The following ANGPTL6 variants were observed in gnomAD, a reference collection of about 807,000 sequenced individuals.
ANGPTL6 encodes angiopoietin-related protein 6.
A neutral mutation model predicts 47.4 loss-of-function variants in ANGPTL6; 45 were observed. The ratio of observed to expected loss-of-function variants is 0.95; its 90% CI spans 0.75 to 1.22. ANGPTL6 has a LOEUF of 1.22. ANGPTL6 is among the 50% of genes most tolerant of loss of function. ANGPTL6 has a pLI of 0.00. For synonymous variants in ANGPTL6, 290 were observed against 295.9 expected (o/e 0.98, Z 0.20); for missense variants, 698 against 669.4 (o/e 1.04, Z -0.47).
Position 10,094,860 on chromosome 19 carries a change from C to T in ANGPTL6, c.661G>A (p.Asp221Asn). 2 of 1,614,194 alleles carry T rather than the reference C, an allele frequency of 1.2e-6. No homozygotes were observed. The highest frequency in any genetic ancestry group is 1.7e-6 in the Non-Finnish European group (2 of 1,180,022). Residue 221 changes from aspartate to asparagine, a missense_variant, in exon 3 of 6, where the codon GAC becomes AAC. Transcript: ENST00000253109. The part of the protein sequence containing the change: ...GSTSDTSRML[D>N]PAPEPQRDQT... ...TCTCTCTGGGGCTCTGGGGCTGGGTCCAGCATCCTACTGGTGTCACTGGTG... is the reference window on the plus strand; with the variant it reads ...TCTCTCTGGGGCTCTGGGGCTGGGTTCAGCATCCTACTGGTGTCACTGGTG...
In ANGPTL6 at chr19:10,094,859, T is replaced by C; in HGVS notation, c.662A>G (p.Asp221Gly). Reference sequence around the variant, plus strand: ...GTCTCTCTGGGGCTCTGGGGCTGGGTCCAGCATCCTACTGGTGTCACTGGT... The same window carrying C: ...GTCTCTCTGGGGCTCTGGGGCTGGGCCCAGCATCCTACTGGTGTCACTGGT... ...GSTSDTSRML[D>G]PAPEPQRDQT... Residue 221 changes from aspartate (D) to glycine (G), a missense_variant, in exon 3 of 6, where the codon GAC becomes GGC. Physicochemically the swap from Asp to Gly is moderately conservative, Grantham distance 94. Coordinates refer to ENST00000253109, the MANE Select transcript of ANGPTL6 (RefSeq NM_031917.3). 1 of 1,614,096 alleles carries C rather than the reference T, an allele frequency of 6.2e-7. No individual in the cohort carries two copies. The highest frequency in any genetic ancestry group is 8.5e-7 in the Non-Finnish European group (1 of 1,180,008).
Position 10,092,537 on chromosome 19 carries a change from G to A in ANGPTL6, c.*52C>T. ...AAGAAGGTGTGGCCAGAACAACTTG[G>A]GCTCCTGCTGACCAATGTCCTCTAG... On this transcript the variant is annotated 3_prime_UTR_variant, in exon 6 of 6. Transcript: ENST00000253109. 3.9e-6 allele frequency: 6 copies of A among 1,550,398 alleles called. No individual in the cohort carries two copies. Among genetic ancestry groups the A allele is most frequent in the Non-Finnish European group, 5.2e-6 (6 of 1,144,666 alleles).
At chr19:10,105,089 C>T (rs1310977141), upstream of ANGPTL6, among the ~76,000 whole-genome samples, 3 of 152,198 alleles carry the variant, frequency 2.0e-5, no homozygotes, top group Non-Finnish European at 4.4e-5. Context: ...AGCCACACGC[C>T]GGGAGAGTCA....
chr19:10,105,351 TG>T (rs1568478906), upstream of ANGPTL6, among the ~76,000 whole-genome samples: 1 of 151,258 alleles, frequency 6.6e-6, no homozygotes, highest in African/African-American at 2.4e-5. Flanking sequence ...GTCAGACAGA[TG>T]GAGATGGGAG....
chr19:10,092,859 A>G, intron 5 of ANGPTL6, 80 bp from the exon 6 acceptor site: 1 of 1,235,398 alleles, frequency 8.1e-7, no homozygotes, highest in Admixed American at 2.9e-5. Flanking sequence ...GGCTTTTGCC[A>G]GGCATCCCCT....
In ANGPTL6 at chr19:10,092,628, G is replaced by A; in HGVS notation, c.1374C>T (p.Leu458=). 6.2e-7 allele frequency: 1 copy of A among 1,612,748 alleles called. No individual in the cohort carries two copies. Among genetic ancestry groups the A allele is most frequent in the Non-Finnish European group, 8.5e-7 (1 of 1,178,940 alleles). ...GCCGAATGAGCATGGCGGCCTTCCT[G>A]AGAGAATATGCCCCACCACGAAACT... is the stretch of plus-strand genomic sequence containing the variant. The part of the protein sequence containing the change: ...WAEFRGGAYS[L]RKAAMLIRPL... The change falls in exon 6 of 6, where the codon CTC becomes CTT. Residue 458 remains leucine (L), a synonymous_variant. Coordinates refer to ENST00000253109, the MANE Select transcript of ANGPTL6 (RefSeq NM_031917.3).
rs1246367339 is a variant in ANGPTL6 at position 10,094,846 on chromosome 19, C to T, written c.675G>A (p.Glu225=). The change falls in exon 3 of 6, where the codon GAG becomes GAA. Residue 225 remains glutamate, a synonymous_variant. Transcript: ENST00000253109. The part of the protein sequence containing the change: ...DTSRMLDPAP[E]PQRDQTQRQQ... ...GTCTCTGGGTCTGGTCTCTCTGGGG[C>T]TCTGGGGCTGGGTCCAGCATCCTAC... 21 of 1,614,064 alleles carry T rather than the reference C, an allele frequency of 1.3e-5. No homozygotes were observed. Among genetic ancestry groups the T allele is most frequent in the Non-Finnish European group, 1.7e-5 (20 of 1,180,032 alleles).
intron 5 of ANGPTL6, 93 bp from the exon 6 acceptor site, chr19:10,092,872 C>G: frequency 9.2e-7 from 1 of 1,082,178 alleles, no homozygotes; most frequent in Non-Finnish European, 1.3e-6. Context: ...CATCCCCTGG[C>G]CCCTCCCATT....
intron 1 of ANGPTL6, among the ~76,000 whole-genome samples, chr19:10,102,115 CAAAAAA>C (rs111902676): frequency 2.3e-5 from 1 of 43,768 alleles, no homozygotes; most frequent in Non-Finnish European, 4.5e-5. Context: ...GACTCTGTCT[CAAAAAA>C]AAAAAAAAAA....
chr19:10,092,812 C>A, intron 5 of ANGPTL6, 33 bp from the exon 6 acceptor site: 1 of 1,540,090 alleles, frequency 6.5e-7, no homozygotes, highest in South Asian at 1.2e-5. Context: ...TGTCCTCTCA[C>A]CAGAATAAAA....
At chr19:10,093,287 C>T in intron 5 of ANGPTL6, 62 bp downstream of exon 5, 1 of 1,559,476 alleles carries the variant, frequency 6.4e-7, no homozygotes, top group South Asian at 1.2e-5. Context: ...TCCTTTCATT[C>T]CCTCACCAGA....
intron 3 of ANGPTL6, 125 bp downstream of exon 3, chr19:10,094,633 T>G: frequency 1.6e-6 from 2 of 1,228,784 alleles, no homozygotes; most frequent in East Asian, 4.6e-5. Context: ...AGTTTGGTCT[T>G]ATTTTTAATC....
Position 10,101,227 on chromosome 19 carries a change from G to A in ANGPTL6, c.-11+1341C>T, listed in dbSNP as rs538380801. 5.6e-4 allele frequency among the ~76,000 whole-genome samples: 85 copies of A among 151,552 alleles called. 3 individuals carry two copies. The South Asian group carries it at 9.0e-3, about 16-fold the overall frequency. The stretch of plus-strand genomic sequence containing the variant: ...CTGTCTCAAAAAAAAATAAAATAGA[G>A]GAGTCAGGAAAGGCCTCACAGAAGA... On this transcript the variant is annotated intron_variant, in intron 1 of 5. Transcript: ENST00000253109.
In ANGPTL6 at chr19:10,099,828, CCT is replaced by C. The variant is rs531456080; in HGVS notation, c.-11+2738_-11+2739del. On this transcript the variant is annotated intron_variant, in intron 1 of 5. Coordinates refer to ENST00000253109, the MANE Select transcript of ANGPTL6 (RefSeq NM_031917.3). Reference sequence around the variant, plus strand: ...CAAGCTCTCTCTCTCTCTGTCTCTCCCTCTCTCTCTCTCTCTTTCTCTCTTTC... The same window carrying C: ...CAAGCTCTCTCTCTCTCTGTCTCTCCCTCTCTCTCTCTCTTTCTCTCTTTC... Among the ~76,000 whole-genome samples the C allele has an allele frequency of 6.3e-3, 867 of 137,748 alleles. 18 individuals are homozygous for C. Among genetic ancestry groups the C allele is most frequent in the South Asian group, 0.049 (210 of 4,314 alleles). The allele number at this position is 137,748 out of a possible 152,430, so 90.4% of individuals were successfully genotyped here.
At chr19:10,104,761 G>A (rs1357960556), upstream of ANGPTL6, among the ~76,000 whole-genome samples, 1 of 152,138 alleles carries the variant, frequency 6.6e-6, no homozygotes, top group Admixed American at 6.5e-5. Flanking sequence ...CAACTTAAAG[G>A]GAAATGGGGT....
intron 2 of ANGPTL6, among the ~76,000 whole-genome samples, chr19:10,095,495 C>A (rs1036353762): frequency 3.3e-5 from 5 of 152,138 alleles, no homozygotes; most frequent in African/African-American, 1.2e-4. Flanking sequence ...TTGATCTGTG[C>A]CCCAGCCTCC....
chr19:10,093,270 C>T (rs2088440125), intron 5 of ANGPTL6, 79 bp downstream of exon 5: 9 of 1,536,432 alleles, frequency 5.9e-6, no homozygotes, highest in Non-Finnish European at 7.9e-6. Context: ...GTCTTACCTA[C>T]CCTACCTCCT....
upstream of ANGPTL6, among the ~76,000 whole-genome samples, chr19:10,105,445 G>C (rs546373050): frequency 6.6e-6 from 1 of 152,288 alleles, no homozygotes; most frequent in East Asian, 1.9e-4. Flanking sequence ...AGAGAGATGG[G>C]AAGATGGGGA....
Position 10,094,838 on chromosome 19 carries a change from C to A in ANGPTL6, c.683G>T (p.Arg228Ile). Reference sequence around the variant, plus strand: ...CTCCTGCTGTCTCTGGGTCTGGTCTCTCTGGGGCTCTGGGGCTGGGTCCAG... The same window carrying A: ...CTCCTGCTGTCTCTGGGTCTGGTCTATCTGGGGCTCTGGGGCTGGGTCCAG... ...RMLDPAPEPQRDQTQRQQEPM... is the reference protein window; with the variant it reads ...RMLDPAPEPQIDQTQRQQEPM... Residue 228 changes from arginine to isoleucine, a missense_variant, in exon 3 of 6, where the codon AGA (arginine) becomes ATA (isoleucine). By Grantham distance (97) the Arg-to-Ile change is moderately conservative (BLOSUM62 -3). Transcript: ENST00000253109. 6.2e-7 allele frequency: 1 copy of A among 1,614,218 alleles called. No individual in the cohort carries two copies. The highest frequency in any genetic ancestry group is 8.5e-7 in the Non-Finnish European group (1 of 1,180,026).
Sources: gnomAD v4.1 joint callset for allele counts (sites outside exome capture counted in the v4.1 genomes callset) on GRCh38, gnomAD v4.1.1 for gene constraint, MANE v1.5 for transcripts, NCBI Gene and HGNC (gene_info 2026-07-23, HGNC 2026-07-21) for gene names.